ANGPT1: variants seen among roughly 807,000 people sequenced by gnomAD.
ANGPT1 encodes the protein angiopoietin-1.
ANGPT1 carries 17 observed loss-of-function variants against 62.2 expected under a neutral mutation model. The observed-to-expected ratio is 0.27, with a 90% CI of 0.19 to 0.41. The LOEUF (loss-of-function observed/expected upper bound fraction) is 0.41. ANGPT1 is among the 10% of genes least tolerant of loss of function. The probability of loss-of-function intolerance (pLI) is 1.00; values close to 1 mark genes in which losing one functional copy is unlikely to be tolerated. For synonymous variants in ANGPT1, 199 were observed against 198.9 expected, an observed-to-expected ratio of 1.00 and a Z score of 0.00; for missense variants, 478 against 594.9, an observed-to-expected ratio of 0.80 and a Z score of 2.04.
intron 1 of ANGPT1, among the ~76,000 whole-genome samples, chr8:107,467,619 C>A (rs549694008): frequency 6.6e-6 from 1 of 151,976 alleles, no homozygotes; most frequent in East Asian, 1.9e-4. Flanking sequence ...ACAAAACAGA[C>A]CTGGTTTTCT....
rs533370396 is a variant in ANGPT1, at chr8:107,413,180, TATG to T, written c.298-66086_298-66084del. Among the ~76,000 whole-genome samples, 26 of 152,324 alleles carry T rather than the reference TATG, an allele frequency of 1.7e-4. 1 individual carries two copies. The South Asian group carries it at 5.4e-3, about 32-fold the overall frequency. On this transcript the variant is annotated intron_variant, in intron 1 of 8. Transcript: ENST00000517746. ...CAATTTACTCTTAAGTAATTTAGCC[TATG>T]ATCACTTTAAGTTGCAAATATATTC...
At chr8:107,284,518 G>GTC in intron 7 of ANGPT1, 164 bp downstream of exon 7, 1 of 532,318 alleles carries the variant, frequency 1.9e-6, no homozygotes, top group East Asian at 3.6e-5. Context: ...CTTTGAAAAA[G>GTC]TCTTTACAGG....
intron 2 of ANGPT1, among the ~76,000 whole-genome samples, chr8:107,338,445 G>A (rs998107852): frequency 1.3e-5 from 2 of 152,222 alleles, no homozygotes; most frequent in Non-Finnish European, 2.9e-5. Flanking sequence ...GCCCCGCAAG[G>A]GGTGGAACAG....
intron 1 of ANGPT1, among the ~76,000 whole-genome samples, chr8:107,362,375 G>T (rs1816184421): frequency 6.6e-6 from 1 of 152,154 alleles, no homozygotes; most frequent in Non-Finnish European, 1.5e-5. Flanking sequence ...TAAAATACAT[G>T]ACACTTTTAT....
At chr8:107,358,480 G>C (rs1205030174) in intron 1 of ANGPT1, among the ~76,000 whole-genome samples, 1 of 152,146 alleles carries the variant, frequency 6.6e-6, no homozygotes, top group East Asian at 1.9e-4. Context: ...TACATCCCAA[G>C]TGCTATTGGA....
At chr8:107,332,177 CA>C (rs1815438089) in intron 3 of ANGPT1, among the ~76,000 whole-genome samples, 1 of 152,120 alleles carries the variant, frequency 6.6e-6, no homozygotes, top group Non-Finnish European at 1.5e-5. Context: ...TGAAAGTTTA[CA>C]TTTTGTGTCC....
chr8:107,404,295 C>CA (rs1817102878), intron 1 of ANGPT1, among the ~76,000 whole-genome samples: 1 of 152,096 alleles, frequency 6.6e-6, no homozygotes, highest in Admixed American at 6.6e-5. Context: ...CTTCTCACTG[C>CA]AAAAATTTCA....
At chr8:107,336,846 A>G (rs1815581466) in intron 2 of ANGPT1, among the ~76,000 whole-genome samples, 1 of 152,072 alleles carries the variant, frequency 6.6e-6, no homozygotes, top group Non-Finnish European at 1.5e-5. Context: ...GTTGCTTCAT[A>G]TATTTTATCT....
intron 1 of ANGPT1, among the ~76,000 whole-genome samples, chr8:107,394,715 T>C (rs1342526220): frequency 6.6e-6 from 1 of 152,230 alleles, no homozygotes; most frequent in Non-Finnish European, 1.5e-5. Flanking sequence ...ATGTGATTTT[T>C]ATTGCCCAAA....
At chr8:107,433,193 G>A (rs565903517) in intron 1 of ANGPT1, among the ~76,000 whole-genome samples, 1 of 152,206 alleles carries the variant, frequency 6.6e-6, no homozygotes, top group African/African-American at 2.4e-5. Context: ...TTGTGCTAAT[G>A]AGTCCCAAAA....
intron 2 of ANGPT1, among the ~76,000 whole-genome samples, chr8:107,343,442 T>C (rs1815738592): frequency 6.6e-6 from 1 of 152,150 alleles, no homozygotes; most frequent in Non-Finnish European, 1.5e-5. Context: ...GTCAGTGGAC[T>C]TCTACAGCTC....
chr8:107,464,909 A>G (rs1274585543), intron 1 of ANGPT1, among the ~76,000 whole-genome samples: 4 of 152,234 alleles, frequency 2.6e-5, no homozygotes, highest in Middle Eastern at 3.4e-3. Context: ...AGAGCAGGAA[A>G]ACAAAGAGGA....
chr8:107,276,578 T>C (rs1181445865), intron 7 of ANGPT1, among the ~76,000 whole-genome samples: 1 of 152,056 alleles, frequency 6.6e-6, no homozygotes, highest in Non-Finnish European at 1.5e-5. Flanking sequence ...TCCACATGAA[T>C]TTGTTTTGTC....
At chr8:107,275,315 C>T (rs530093829) in intron 7 of ANGPT1, among the ~76,000 whole-genome samples, 1 of 152,214 alleles carries the variant, frequency 6.6e-6, no homozygotes, top group South Asian at 2.1e-4. Context: ...ATTATTACCC[C>T]CTTACGCTCT....
At chr8:107,395,007 T>C (rs1221923788) in intron 1 of ANGPT1, among the ~76,000 whole-genome samples, 3 of 152,146 alleles carry the variant, frequency 2.0e-5, no homozygotes, top group Non-Finnish European at 4.4e-5. Context: ...GAAGAATATC[T>C]AGATGATATT....
chr8:107,264,496 A>T (rs1813569057), intron 7 of ANGPT1, 145 bp from the exon 8 acceptor site: 1 of 981,286 alleles, frequency 1.0e-6, no homozygotes, highest in South Asian at 1.8e-5. Flanking sequence ...AGGAGACCCA[A>T]GCTATCTGAA....
intron 1 of ANGPT1, among the ~76,000 whole-genome samples, chr8:107,429,165 C>A (rs1811113435): frequency 6.6e-6 from 1 of 152,160 alleles, no homozygotes; most frequent in Admixed American, 6.5e-5. Context: ...TTAATAGGTG[C>A]TTATATGTCA....
intron 1 of ANGPT1, among the ~76,000 whole-genome samples, chr8:107,398,944 A>T (rs928537284): frequency 4.6e-5 from 7 of 152,168 alleles, no homozygotes; most frequent in Non-Finnish European, 8.8e-5. Context: ...TACTTAGCCA[A>T]ATTAGGGTGT....
chr8:107,293,555 A>T (rs1035546365), intron 6 of ANGPT1, among the ~76,000 whole-genome samples: 1 of 152,136 alleles, frequency 6.6e-6, no homozygotes. Flanking sequence ...TTAGCCAGTT[A>T]TGTGGGTGAG....
Sources: gnomAD v4.1 joint callset for allele counts (sites outside exome capture counted in the v4.1 genomes callset) on GRCh38, gnomAD v4.1.1 for gene constraint, MANE v1.5 for transcripts, NCBI Gene and HGNC (gene_info 2026-07-23, HGNC 2026-07-21) for gene names.